SAMHD1: variants seen among roughly 807,000 people sequenced by gnomAD.
SAMHD1 encodes SAM and HD domain containing deoxynucleoside triphosphate triphosphohydrolase 1.
In SAMHD1, 54 loss-of-function variants were observed where a neutral mutation model predicts 79.6. The ratio of observed to expected loss-of-function variants is 0.68; its 90% CI spans 0.55 to 0.85. The LOEUF (loss-of-function observed/expected upper bound fraction) is 0.85, where lower values mean the gene tolerates loss of function less well. Ranked by LOEUF, SAMHD1 falls within the 40% of genes least tolerant of loss-of-function variation. The pLI, the probability that SAMHD1 is intolerant of heterozygous loss-of-function variation, is 0.00. For missense variants in SAMHD1, 663 were observed against 782.7 expected, an observed-to-expected ratio of 0.85 and a Z score of 1.82; for synonymous variants, 260 against 264.1, an observed-to-expected ratio of 0.98 and a Z score of 0.15.
Position 36,917,017 on chromosome 20 carries a change from G to A in SAMHD1, c.885C>T (p.Ser295=), listed in dbSNP as rs1360246072. ...TATTAGATACTATCTCATAAAGGAA[G>A]CTTTTGTTTTCAGGACGCCCTTTAT... The part of the protein sequence containing the change: ...WPYKGRPENK[S]FLYEIVSNKR... Residue 295 remains serine, a synonymous_variant, in exon 8 of 16, where the codon AGC becomes AGT. Transcript: ENST00000646673. The A allele has an allele frequency of 2.5e-6, 4 of 1,613,796 alleles. No individual in the cohort carries two copies. The highest frequency in any genetic ancestry group is 1.3e-5 in the African/African-American group (1 of 74,904).
intron 3 of SAMHD1, among the ~76,000 whole-genome samples, chr20:36,935,566 G>A (rs1046215975): frequency 3.3e-5 from 5 of 149,512 alleles, no homozygotes; most frequent in Admixed American, 2.7e-4. Flanking sequence ...TAGGTATTAT[G>A]TCTAATTTTT....
Position 36,897,871 on chromosome 20 carries a change from C to T in SAMHD1, c.1697G>A (p.Arg566Lys). 1 of 1,614,188 alleles carries T rather than the reference C, an allele frequency of 6.2e-7. No homozygotes were observed. Among genetic ancestry groups the T allele is most frequent in the East Asian group, 2.2e-5 (1 of 44,890 alleles). Residue 566 changes from arginine (R) to lysine (K), a missense_variant, in exon 15 of 16, where the codon AGA becomes AAA. Transcript: ENST00000646673. Reference sequence around the variant, plus strand: ...TGCACACCACTGAACAAAATATTGTCTTGCGGCATACAAACTCTTTCTGTC... The same window carrying T: ...TGCACACCACTGAACAAAATATTGTTTTGCGGCATACAAACTCTTTCTGTC... ...KVDRKSLYAA[R>K]QYFVQWCADR...
Position 36,951,519 on chromosome 20 carries a change from T to C in SAMHD1, c.125A>G (p.Tyr42Cys), listed in dbSNP as rs2063734451. The change falls in exon 1 of 16, where the codon TAC becomes TGC. Residue 42 changes from tyrosine to cysteine, a missense_variant. Coordinates refer to ENST00000646673, the MANE Select transcript of SAMHD1 (RefSeq NM_015474.4). ...CACCTGCTCCGGACCCCATGTCTTG[T>C]AGTCGGGATGGAGTTCCAGGCCCGG... ...WSPGLELHPD[Y>C]KTWGPEQVCS... 3 of 1,614,046 alleles carry C rather than the reference T, an allele frequency of 1.9e-6. No individual in the cohort carries two copies. Among genetic ancestry groups the C allele is most frequent in the African/African-American group, 1.3e-5 (1 of 74,938 alleles).
At chr20:36,911,171 T>C (rs1446638670) in intron 11 of SAMHD1, 47 bp downstream of exon 11, 2 of 1,121,894 alleles carry the variant, frequency 1.8e-6, no homozygotes, top group Admixed American at 3.4e-5. Flanking sequence ...AGGGACTTCT[T>C]ACAGTTTATC....
At position 36,890,419 on chromosome 20, in the gene SAMHD1, T is replaced by TTTCTTTCTTTC. The variant is rs1555830171; in HGVS notation, c.*2512_*2513insGAAAGAAAGAA. 1.4e-3 allele frequency: 29 copies of TTTCTTTCTTTC among 21,314 alleles called. No homozygotes were observed. Among genetic ancestry groups the TTTCTTTCTTTC allele is most frequent in the Admixed American group, 3.4e-3 (7 of 2,080 alleles). 1.3% of individuals were successfully genotyped at this position (21,314 alleles called of 1,614,324 possible). A position where few individuals can be genotyped will look rare whatever the true frequency, so the allele number is the denominator to read the frequency against. On this transcript the variant is annotated 3_prime_UTR_variant, in exon 16 of 16. Coordinates refer to ENST00000646673, the MANE Select transcript of SAMHD1 (RefSeq NM_015474.4). Reference sequence around the variant, plus strand: ...TTCTCTTTCTTTCTTTCTTTCTTTCTTTTCTTTCTCTCTTTCCTTCCTTCC... The same window carrying TTTCTTTCTTTC: ...TTCTCTTTCTTTCTTTCTTTCTTTCTTTCTTTCTTTCTTTCTTTCTCTCTTTCCTTCCTTCC...
rs886056646 is a variant in SAMHD1, at chr20:36,892,570, C to T, written c.*362G>A. 6.4e-5 allele frequency: 19 copies of T among 296,120 alleles called. No individual in the cohort carries two copies. Among genetic ancestry groups the T allele is most frequent in the Non-Finnish European group, 9.1e-5 (14 of 154,140 alleles). 18.3% of individuals were successfully genotyped at this position (296,120 alleles called of 1,614,324 possible). On this transcript the variant is annotated 3_prime_UTR_variant, in exon 16 of 16. Coordinates refer to ENST00000646673, the MANE Select transcript of SAMHD1 (RefSeq NM_015474.4). ...ACTTGGGGGGCTGAGGCAGGAGGGT[C>T]GCTTGAGCCCAGGAAAGTTCGAGTC...
At chr20:36,926,940 A>G in intron 6 of SAMHD1, 1 of 463,592 alleles carries the variant, frequency 2.2e-6, no homozygotes, top group South Asian at 2.5e-5. Context: ...TTGATGCATC[A>G]ATACACATCC....
rs754164797 is a variant in SAMHD1, at chr20:36,897,867, T to C, written c.1701A>G (p.Gln567=). 11 of 1,614,208 alleles carry C rather than the reference T, an allele frequency of 6.8e-6. No individual in the cohort carries two copies. In the South Asian group the frequency reaches 8.8e-5, roughly 13 times the overall value. ...TGTCTGCACACCACTGAACAAAATA[T>C]TGTCTTGCGGCATACAAACTCTTTC... ...VDRKSLYAAR[Q]YFVQWCADRN... is the part of the protein sequence containing the mutation. The change falls in exon 15 of 16, where the codon CAA becomes CAG. Residue 567 remains glutamine, a synonymous_variant. Coordinates refer to ENST00000646673, the MANE Select transcript of SAMHD1 (RefSeq NM_015474.4).
chr20:36,918,763 C>G (rs2063489125), intron 7 of SAMHD1, among the ~76,000 whole-genome samples: 1 of 133,426 alleles, frequency 7.5e-6, no homozygotes, highest in Non-Finnish European at 1.5e-5. Context: ...GATCATGCCA[C>G]TGTACTCCAG....
chr20:36,896,762 G>A (rs1193603079), intron 15 of SAMHD1, among the ~76,000 whole-genome samples: 8 of 152,078 alleles, frequency 5.3e-5, no homozygotes, highest in Non-Finnish European at 4.4e-5. Context: ...TTGAACCTGG[G>A]AGGCAGAGGT....
intron 9 of SAMHD1, among the ~76,000 whole-genome samples, chr20:36,913,295 C>A (rs1420705652): frequency 6.6e-6 from 1 of 151,004 alleles, no homozygotes; most frequent in Non-Finnish European, 1.5e-5. Context: ...CTGTGCCCGG[C>A]CAAGAACTTT....
At chr20:36,939,074 CCAAAAAAAAAA>C in intron 3 of SAMHD1, among the ~76,000 whole-genome samples, 1 of 8,452 alleles carries the variant, frequency 1.2e-4, no homozygotes, top group African/African-American at 1.4e-3. Flanking sequence ...ACTAAAAATA[CCAAAAAAAAAA>C]AAAAAAAAAA....
At chr20:36,917,584 G>A (rs1224252452) in intron 7 of SAMHD1, among the ~76,000 whole-genome samples, 2 of 152,132 alleles carry the variant, frequency 1.3e-5, no homozygotes, top group Non-Finnish European at 2.9e-5. Flanking sequence ...TCAGGAGGCG[G>A]AGGTTGCAGT....
At chr20:36,900,116 A>G (rs1990275234) in intron 13 of SAMHD1, among the ~76,000 whole-genome samples, 2 of 151,856 alleles carry the variant, frequency 1.3e-5, no homozygotes, top group African/African-American at 2.4e-5. Flanking sequence ...AAAATGTAAG[A>G]GAAGGCAACT....
chr20:36,919,281 C>T, intron 7 of SAMHD1, 83 bp downstream of exon 7: 3 of 1,346,880 alleles, frequency 2.2e-6, no homozygotes, highest in Non-Finnish European at 3.2e-6. Context: ...TCTAAAATAG[C>T]CAAATGTATA....
intron 9 of SAMHD1, among the ~76,000 whole-genome samples, chr20:36,915,377 C>T (rs1430146378): frequency 6.6e-6 from 1 of 152,098 alleles, no homozygotes; most frequent in African/African-American, 2.4e-5. Context: ...TGTAACTGAC[C>T]ATTAAGGTTA....
chr20:36,904,957 G>A (rs2063396812), intron 12 of SAMHD1: 2 of 233,608 alleles, frequency 8.6e-6, no homozygotes, highest in Admixed American at 1.0e-4. Context: ...CTGATATCCT[G>A]TGAAGGAACC....
chr20:36,900,248 T>G (rs1177375589), intron 13 of SAMHD1, among the ~76,000 whole-genome samples: 1 of 152,116 alleles, frequency 6.6e-6, no homozygotes, highest in Non-Finnish European at 1.5e-5. Flanking sequence ...TAGTTAACAG[T>G]AATTTCCTTT....
chr20:36,950,549 A>C (rs558130362), intron 1 of SAMHD1, among the ~76,000 whole-genome samples: 1 of 152,288 alleles, frequency 6.6e-6, no homozygotes, highest in East Asian at 1.9e-4. Flanking sequence ...TCTCACACCC[A>C]CCACAAAAAG....
Sources: gnomAD v4.1 joint callset for allele counts (sites outside exome capture counted in the v4.1 genomes callset) on GRCh38, gnomAD v4.1.1 for gene constraint, MANE v1.5 for transcripts, NCBI Gene and HGNC (gene_info 2026-07-23, HGNC 2026-07-21) for gene names.